Variants in CA5A observed in about 807,000 individuals in gnomAD.
CA5A encodes carbonic anhydrase 5A, mitochondrial.
In CA5A, 28 loss-of-function variants were observed where a neutral mutation model predicts 37.1. The ratio of observed to expected loss-of-function variants is 0.75; its 90% CI spans 0.56 to 1.03. CA5A has a LOEUF of 1.03. Ranked by LOEUF, CA5A falls within the 50% of genes least tolerant of loss-of-function variation. The pLI, the probability that CA5A is intolerant of heterozygous loss-of-function variation, is 0.00. For missense variants in CA5A, 444 were observed against 399.9 expected (o/e 1.11, Z -0.94); for synonymous variants, 171 against 158.4 (o/e 1.08, Z -0.60).
intron 2 of CA5A, among the ~76,000 whole-genome samples, chr16:87,915,474 G>C (rs1410320731): frequency 6.6e-6 from 1 of 151,252 alleles, no homozygotes; most frequent in Non-Finnish European, 1.5e-5. Flanking sequence ...GAAGCTTGCA[G>C]TGAGCCCAGA....
At chr16:87,931,843 C>T (rs145812137) in intron 1 of CA5A, among the ~76,000 whole-genome samples, 22 of 152,368 alleles carry the variant, frequency 1.4e-4, no homozygotes, top group African/African-American at 4.6e-4. Flanking sequence ...CGGGAGCCGG[C>T]GGCCACAACA....
intron 2 of CA5A, among the ~76,000 whole-genome samples, chr16:87,921,758 G>A (rs1408996469): frequency 1.3e-5 from 2 of 152,192 alleles, no homozygotes; most frequent in Admixed American, 6.5e-5. Flanking sequence ...CGGGATCAGC[G>A]GCACCTGGGA....
chr16:87,928,015 A>G (rs2056336972), intron 1 of CA5A, among the ~76,000 whole-genome samples: 1 of 152,204 alleles, frequency 6.6e-6, no homozygotes, highest in Non-Finnish European at 1.5e-5. Flanking sequence ...CTTAAGAGAC[A>G]GGATCCTCGG....
intron 1 of CA5A, among the ~76,000 whole-genome samples, chr16:87,932,171 C>A (rs1296933995): frequency 6.6e-6 from 1 of 152,140 alleles, no homozygotes; most frequent in East Asian, 1.9e-4. Context: ...CAACGGGAAG[C>A]AGGATTGAGT....
At chr16:87,916,507 C>T (rs576221087) in intron 2 of CA5A, among the ~76,000 whole-genome samples, 5 of 152,288 alleles carry the variant, frequency 3.3e-5, no homozygotes, top group African/African-American at 1.2e-4. Context: ...GTAATGCTCA[C>T]AACCTCCCTC....
At chr16:87,926,075 T>C (rs2056304063) in intron 2 of CA5A, among the ~76,000 whole-genome samples, 1 of 151,982 alleles carries the variant, frequency 6.6e-6, no homozygotes. Context: ...ATACAAAAAT[T>C]AGCTGGGCAT....
rs1390489015 is a variant in CA5A at position 87,933,550 on chromosome 16, A to T, written c.142+2759T>A. On this transcript the variant is annotated intron_variant, in intron 1 of 6. Coordinates refer to ENST00000649794, the MANE Select transcript of CA5A (RefSeq NM_001739.2). The stretch of plus-strand genomic sequence containing the variant: ...GCCACCATGTCCAGTTAATTTTTTA[A>T]TTTTTTTTTTTTTTTAGAGATGGGT... Among the ~76,000 whole-genome samples, 4 of 141,198 alleles carry T rather than the reference A, an allele frequency of 2.8e-5. No individual in the cohort carries two copies. In the East Asian group the frequency reaches 6.1e-4, roughly 22 times the overall value. 92.6% of individuals were successfully genotyped at this position (141,198 alleles called of 152,430 possible). A position where few individuals can be genotyped will look rare whatever the true frequency, so the allele number is the denominator to read the frequency against.
downstream of CA5A, chr16:87,886,150 T>A (rs1215605061): frequency 6.7e-6 from 1 of 150,114 alleles, no homozygotes. Flanking sequence ...CAAGTTTTTT[T>A]TTTTTTTTTT....
intron 1 of CA5A, among the ~76,000 whole-genome samples, chr16:87,932,359 T>A (rs1276391120): frequency 6.6e-6 from 1 of 152,084 alleles, no homozygotes; most frequent in East Asian, 1.9e-4. Context: ...ACACAGGTTG[T>A]GGGAAGAGCG....
intron 5 of CA5A, among the ~76,000 whole-genome samples, chr16:87,893,900 G>T (rs181397620): frequency 6.6e-6 from 1 of 151,978 alleles, no homozygotes; most frequent in East Asian, 1.9e-4. Context: ...AGTTTCCCAA[G>T]TAGCTAGGAC....
At chr16:87,915,114 T>G (rs1208039442) in intron 2 of CA5A, among the ~76,000 whole-genome samples, 1 of 152,154 alleles carries the variant, frequency 6.6e-6, no homozygotes, top group African/African-American at 2.4e-5. Flanking sequence ...CGATGAAACC[T>G]CGACTCGCGT....
At chr16:87,929,671 G>C (rs1371956921) in intron 1 of CA5A, among the ~76,000 whole-genome samples, 8 of 151,602 alleles carry the variant, frequency 5.3e-5, no homozygotes, top group East Asian at 2.0e-4. Context: ...AGGAGATCGA[G>C]ACCATCCTGG....
Position 87,912,980 on chromosome 16 carries a change from C to T in CA5A, c.341-8076G>A, listed in dbSNP as rs1270455102. On this transcript the variant is annotated intron_variant, in intron 2 of 6. Coordinates refer to ENST00000649794, the MANE Select transcript of CA5A (RefSeq NM_001739.2). ...GGAAGTGGGGCCTTCGCCAACAAAC[C>T]GCAACATGGTTTTTTTTTTTTTGAG... Among the ~76,000 whole-genome samples, 4 of 149,868 alleles carry T rather than the reference C, an allele frequency of 2.7e-5. No individual in the cohort carries two copies. In the East Asian group the frequency reaches 5.9e-4, roughly 22 times the overall value.
At chr16:87,923,440 G>A (rs1312600379) in intron 2 of CA5A, 19 of 575,782 alleles carry the variant, frequency 3.3e-5, no homozygotes, top group Non-Finnish European at 3.3e-5. Flanking sequence ...CACCCACCTC[G>A]GCTTCCCAAA....
Position 87,898,092 on chromosome 16 carries a change from C to T in CA5A, c.618+3820G>A, listed in dbSNP as rs532533254. 3.3e-5 allele frequency among the ~76,000 whole-genome samples: 5 copies of T among 152,300 alleles called. No individual in the cohort carries two copies. In the East Asian group the frequency reaches 9.7e-4, roughly 29 times the overall value. On this transcript the variant is annotated intron_variant, in intron 5 of 6. Coordinates refer to ENST00000649794, the MANE Select transcript of CA5A (RefSeq NM_001739.2). ...ACTGCATAGAAGCCAGCTGGGTCCC[C>T]AGGGAGTGACCGTGGCAGGCATTCC...
intron 1 of CA5A, among the ~76,000 whole-genome samples, chr16:87,932,363 A>T (rs542052865): frequency 6.6e-6 from 1 of 152,274 alleles, no homozygotes; most frequent in East Asian, 1.9e-4. Flanking sequence ...AGGTTGTGGG[A>T]AGAGCGGGTA....
At chr16:87,921,612 CCT>C (rs1185777039) in intron 2 of CA5A, among the ~76,000 whole-genome samples, 1 of 152,216 alleles carries the variant, frequency 6.6e-6, no homozygotes, top group Non-Finnish European at 1.5e-5. Context: ...CCCACCCACT[CCT>C]GTTTCTGGAC....
At chr16:87,927,017 A>G (rs914012223) in intron 1 of CA5A, 72 bp from the exon 2 acceptor site, 1 of 1,098,314 alleles carries the variant, frequency 9.1e-7, no homozygotes, top group African/African-American at 1.5e-5. Context: ...ACAGGGCAGA[A>G]ACCCGGCCGC....
At chr16:87,917,775 C>A (rs2056173796) in intron 2 of CA5A, among the ~76,000 whole-genome samples, 1 of 135,724 alleles carries the variant, frequency 7.4e-6, no homozygotes. Flanking sequence ...CACATGTGCA[C>A]ACATGCACAC....
Sources: allele counts gnomAD v4.1 joint callset (sites outside exome capture counted in the v4.1 genomes callset), GRCh38; gene constraint gnomAD v4.1.1; transcripts MANE v1.5; gene names NCBI Gene and HGNC (gene_info 2026-07-23, HGNC 2026-07-21).